The following ANO9 variants were observed in gnomAD, a reference collection of about 807,000 sequenced individuals.
The protein encoded by ANO9 is anoctamin 9, also known as anoctamin-9.
ANO9 carries 80 observed loss-of-function variants against 100.5 expected under a neutral mutation model. The observed-to-expected ratio is 0.80, with a 90% CI of 0.66 to 0.96. The LOEUF (loss-of-function observed/expected upper bound fraction) is 0.96, where lower values mean the gene tolerates loss of function less well. Ranked by LOEUF, ANO9 falls within the 40% of genes least tolerant of loss-of-function variation. The pLI is 0.00. For missense variants in ANO9, 1,064 were observed against 1,072.7 expected (o/e 0.99, Z 0.11); for synonymous variants, 473 against 435.6 (o/e 1.09, Z -1.07).
intron 15 of ANO9, among the ~76,000 whole-genome samples, chr11:426,982 G>C (rs1249466822): frequency 1.3e-5 from 2 of 152,194 alleles, no homozygotes; most frequent in African/African-American, 2.4e-5. Flanking sequence ...TCTGCCTCCA[G>C]ACAGGAGACC....
At position 435,503 on chromosome 11, in the gene ANO9, A is replaced by AGTCTAGTCTAGTCTAGTATG. The variant is rs1849412357; in HGVS notation, c.7-1425_7-1406dup. Among the ~76,000 whole-genome samples, 10 of 81,780 alleles carry AGTCTAGTCTAGTCTAGTATG rather than the reference A, an allele frequency of 1.2e-4. No individual in the cohort carries two copies. In the East Asian group the frequency reaches 1.4e-3, roughly 11 times the overall value. 53.7% of individuals were successfully genotyped at this position (81,780 alleles called of 152,430 possible). ...AACATAATACGGTATAGTCTAGTAT[A>AGTCTAGTCTAGTCTAGTATG]GTCTAGTCTAGTCTAGTATGGTCTA... On this transcript the variant is annotated intron_variant, in intron 1 of 22. Coordinates refer to ENST00000332826, the MANE Select transcript of ANO9 (RefSeq NM_001012302.3).
chr11:433,291 C>T (rs182985949), intron 4 of ANO9, 23 bp downstream of exon 4: 54 of 1,606,340 alleles, frequency 3.4e-5, no homozygotes, highest in African/African-American at 2.7e-4. Context: ...CTCCTGGCCA[C>T]GGCTCTGGGT....
rs980784337 is a variant in ANO9 at position 422,346 on chromosome 11, GACC to G, written c.1335-1151_1335-1149del. 6.6e-6 allele frequency among the ~76,000 whole-genome samples: 1 copy of G among 152,260 alleles called. No individual in the cohort carries two copies. Among genetic ancestry groups the G allele is most frequent in the Non-Finnish European group, 1.5e-5 (1 of 68,044 alleles). ...CCACGTGCTCATTCTTGGAGCCTGT[GACC>G]ACGTTCTTACCTGGCAAAGGAATTT... On this transcript the variant is annotated intron_variant, in intron 15 of 22. Transcript: ENST00000332826. The surrounding 1 kb of genome is among the most constrained non-coding windows in gnomAD (Gnocchi z 4.3).
At chr11:425,801 A>G (rs10794322) in intron 15 of ANO9, among the ~76,000 whole-genome samples, 129,210 of 151,684 alleles carry the variant, frequency 0.85, 55,225 homozygotes, top group East Asian at 1. Context: ...GCGCGATCTC[A>G]GCTCACTGCA....
In ANO9 at chr11:441,805, C is replaced by A. The variant is rs1403268003; in HGVS notation, c.6+116G>T. On this transcript the variant is annotated intron_variant, in intron 1 of 22. Transcript: ENST00000332826. ...GACCGGGCAGCCTGCAGGGACCCCC[C>A]CCACACACACAGGCGCCTTCCAGGT... is the stretch of plus-strand genomic sequence containing the variant. The A allele has an allele frequency of 4.1e-6, 6 of 1,452,186 alleles. No homozygotes were observed. In the Admixed American group the frequency reaches 9.6e-5, roughly 23 times the overall value. 90.0% of individuals were successfully genotyped at this position (1,452,186 alleles called of 1,614,324 possible). A position where few individuals can be genotyped will look rare whatever the true frequency, so the allele number is the denominator to read the frequency against.
Position 422,972 on chromosome 11 carries a change from G to A in ANO9, c.1335-1774C>T, listed in dbSNP as rs1188556919. 6.6e-6 allele frequency among the ~76,000 whole-genome samples: 1 copy of A among 151,958 alleles called. No homozygotes were observed. The highest frequency in any genetic ancestry group is 1.5e-5 in the Non-Finnish European group (1 of 68,008). ...AGCCTCCTGAGTAGCTGGGATTACA[G>A]GTGCGCGCCACCACGCCTGGCTAAT... On this transcript the variant is annotated intron_variant, in intron 15 of 22. Coordinates refer to ENST00000332826, the MANE Select transcript of ANO9 (RefSeq NM_001012302.3). This position sits in a 1 kb window ranked among gnomAD's most constrained non-coding sequence, Gnocchi z 4.3.
At chr11:440,925 G>A (rs1385623410) in intron 1 of ANO9, among the ~76,000 whole-genome samples, 2 of 152,272 alleles carry the variant, frequency 1.3e-5, no homozygotes, top group African/African-American at 4.8e-5. Flanking sequence ...AAGGACTGAT[G>A]CTCTCACTTC....
chr11:433,988 C>T (rs761983660), intron 2 of ANO9, 36 bp downstream of exon 2: 6 of 1,550,824 alleles, frequency 3.9e-6, no homozygotes, highest in Non-Finnish European at 5.2e-6. Context: ...CAGAGCAGGG[C>T]CAGGTGGGGC....
rs186987356 is a variant in ANO9, at chr11:423,326, A to G, written c.1335-2128T>C. Among the ~76,000 whole-genome samples the G allele has an allele frequency of 8.7e-4, 132 of 152,306 alleles. 1 individual carries two copies. The highest frequency in any genetic ancestry group is 3.1e-3 in the African/African-American group (127 of 41,564). ...TGGAATTGTCAGAATCCATGAGAAG[A>G]CAATATATAAGCAAAGAATGGAATT... On this transcript the variant is annotated intron_variant, in intron 15 of 22. Transcript: ENST00000332826.
In ANO9 at chr11:419,736, C is replaced by G. The variant is rs1232090681; in HGVS notation, c.1787-7G>C. On this transcript the variant is annotated splice_region_variant and splice_polypyrimidine_tract_variant and intron_variant, in intron 19 of 22. Transcript: ENST00000332826. ...AGCACCTGCAGCCAGGTCCCTGCAC[C>G]AGAGCAGTGGGCAAGCGGTCTGACT... 6.2e-7 allele frequency: 1 copy of G among 1,612,352 alleles called. No individual in the cohort carries two copies. The highest frequency in any genetic ancestry group is 1.3e-5 in the African/African-American group (1 of 74,896).
intron 1 of ANO9, among the ~76,000 whole-genome samples, chr11:440,022 G>T (rs553857155): frequency 9.8e-5 from 15 of 152,310 alleles, no homozygotes; most frequent in Admixed American, 8.5e-4. Context: ...CAAGAGGTTG[G>T]CAAAAGGTGA....
At chr11:433,259 A>G (rs1285697284) in intron 4 of ANO9, 55 bp downstream of exon 4, 3 of 1,588,650 alleles carry the variant, frequency 1.9e-6, no homozygotes, top group East Asian at 2.2e-5. Context: ...GTCTGGACCA[A>G]TCACACAGGT....
chr11:428,860 GAC>G, intron 11 of ANO9, 34 bp from the exon 12 acceptor site: 1 of 1,595,984 alleles, frequency 6.3e-7, no homozygotes, highest in Non-Finnish European at 8.6e-7. Context: ...TCAGACAAGG[GAC>G]ACTCACCCCA....
rs753446601 is a variant in ANO9, at chr11:430,293, G to A, written c.650C>T (p.Ser217Leu). 19 of 1,592,008 alleles carry A rather than the reference G, an allele frequency of 1.2e-5. No individual in the cohort carries two copies. The Admixed American group carries it at 1.4e-4, about 12-fold the overall frequency. The change falls in exon 8 of 23, where the codon TCG becomes TTG. Residue 217 changes from serine (S) to leucine (L), a missense_variant. Ser to Leu is a moderately radical substitution (Grantham distance 145). Coordinates refer to ENST00000332826, the MANE Select transcript of ANO9 (RefSeq NM_001012302.3). ...CCTGATCTGGCTGGCCTCAAACAGC[G>A]AGAATCCGCTCAGAAAGACTAAGAG... Reference protein sequence around the residue: ...TGLLVFLSGFSLFEASQISKE... With the variant: ...TGLLVFLSGFLLFEASQISKE...
At position 428,718 on chromosome 11, in the gene ANO9, G is replaced by T; in HGVS notation, c.1020+4C>A. The T allele has an allele frequency of 1.2e-6, 2 of 1,613,096 alleles. No homozygotes were observed. Among genetic ancestry groups the T allele is most frequent in the Non-Finnish European group, 1.7e-6 (2 of 1,179,916 alleles). On this transcript the variant is annotated splice_donor_region_variant and intron_variant, in intron 12 of 22. Coordinates refer to ENST00000332826, the MANE Select transcript of ANO9 (RefSeq NM_001012302.3). ...CCAGCCCCACCGCGGTGTCCCCTGC[G>T]TACCATGAGCAGGGTCAGGACGAGG...
intron 11 of ANO9, 48 bp from the exon 12 acceptor site, chr11:428,874 A>G: frequency 1.5e-5 from 23 of 1,557,524 alleles, no homozygotes; most frequent in Non-Finnish European, 1.9e-5. Context: ...CTCACCCCAC[A>G]TGTGGGGAGA....
chr11:420,046 G>C (rs781578234), intron 19 of ANO9: 18 of 1,324,006 alleles, frequency 1.4e-5, no homozygotes, highest in Non-Finnish European at 1.7e-5. Context: ...TGTAACCTGG[G>C]CCCGAGACTG....
intron 7 of ANO9, among the ~76,000 whole-genome samples, chr11:430,835 C>A (rs1848896147): frequency 2.4e-5 from 1 of 41,464 alleles, no homozygotes. Flanking sequence ...TATCTGGGGG[C>A]TTCCGCGGGG....
At chr11:420,140 G>T in intron 19 of ANO9, 1 of 1,342,306 alleles carries the variant, frequency 7.4e-7, no homozygotes, top group Non-Finnish European at 9.6e-7. Flanking sequence ...CCGTCTCAGC[G>T]TGGCCAGTCT....
Sources: gnomAD v4.1 joint callset for allele counts (sites outside exome capture counted in the v4.1 genomes callset) on GRCh38, gnomAD v4.1.1 for gene constraint, Gnocchi (gnomAD v3.1) non-coding constraint, MANE v1.5 for transcripts, NCBI Gene and HGNC (gene_info 2026-07-23, HGNC 2026-07-21) for gene names.